The following EFHC2 variants were observed in gnomAD, a reference collection of about 807,000 sequenced individuals.
EFHC2 encodes the protein EF-hand domain-containing family member C2.
EFHC2 carries 18 observed loss-of-function variants against 52.7 expected under a neutral mutation model. The ratio of observed to expected loss-of-function variants is 0.34; its 90% CI spans 0.24 to 0.51. EFHC2 has a LOEUF of 0.51. EFHC2 is among the 20% of genes least tolerant of loss of function. The pLI, the probability that EFHC2 is intolerant of heterozygous loss-of-function variation, is 0.97. For synonymous variants in EFHC2, 203 were observed against 204.1 expected, an observed-to-expected ratio of 0.99 and a Z score of 0.04; for missense variants, 513 against 562.5, an observed-to-expected ratio of 0.91 and a Z score of 0.89.
chrX:44,251,735 A>G (rs767959889), intron 4 of EFHC2, among the ~76,000 whole-genome samples: 1 of 108,376 alleles, frequency 9.2e-6, no homozygotes, highest in Admixed American at 1.0e-4. Context: ...AGAACAGACA[A>G]AACTAATCTA....
intron 11 of EFHC2, among the ~76,000 whole-genome samples, chrX:44,208,328 TC>T (rs948261950): frequency 8.9e-6 from 1 of 112,122 alleles, no homozygotes; most frequent in Non-Finnish European, 1.9e-5. Flanking sequence ...TGAAATCATG[TC>T]CTATGCAGCA....
Position 44,175,178 on chromosome X carries a change from C to T in EFHC2, c.2042+1114G>A, listed in dbSNP as rs545641805. On this transcript the variant is annotated intron_variant, in intron 13 of 14. Transcript: ENST00000420999. Reference sequence around the variant, plus strand: ...TTCCTTAGAGAGCAAAGAGACACCACAGAAGGTTTGTGAGTAAAAGTGCAA... The same window carrying T: ...TTCCTTAGAGAGCAAAGAGACACCATAGAAGGTTTGTGAGTAAAAGTGCAA... Among the ~76,000 whole-genome samples, 71 of 112,098 alleles carry T rather than the reference C, an allele frequency of 6.3e-4. No individual in the cohort carries two copies. The South Asian group carries it at 0.025, about 39-fold the overall frequency.
chrX:44,251,907 A>G (rs972512811), intron 4 of EFHC2, among the ~76,000 whole-genome samples: 1 of 110,490 alleles, frequency 9.1e-6, no homozygotes, highest in Admixed American at 9.7e-5. Flanking sequence ...TATATACTTA[A>G]GATTTATATG....
intron 11 of EFHC2, among the ~76,000 whole-genome samples, chrX:44,185,015 G>T (rs1172048808): frequency 9.0e-6 from 1 of 111,594 alleles, no homozygotes; most frequent in Admixed American, 9.6e-5. Flanking sequence ...GAAAAATGAG[G>T]ATTAAGTTAG....
chrX:44,167,309 C>T (rs1228216250), intron 13 of EFHC2, among the ~76,000 whole-genome samples: 1 of 112,186 alleles, frequency 8.9e-6, no homozygotes, highest in African/African-American at 3.2e-5. Flanking sequence ...TGAAGTTCCT[C>T]TTATCTGAGT....
At chrX:44,314,377 T>C (rs1484445788) in intron 1 of EFHC2, among the ~76,000 whole-genome samples, 2 of 112,082 alleles carry the variant, frequency 1.8e-5, no homozygotes, top group East Asian at 2.8e-4. Context: ...AGGTCAAAAA[T>C]ACCTCATTTC....
chrX:44,309,282 A>AT, intron 2 of EFHC2: 1 of 612,507 alleles, frequency 1.6e-6, no homozygotes, highest in Non-Finnish European at 2.6e-6. Context: ...ATGGAAAAAA[A>AT]TCAGCAAAAT....
intron 11 of EFHC2, among the ~76,000 whole-genome samples, chrX:44,204,494 A>C (rs2037032314): frequency 9.0e-6 from 1 of 111,686 alleles, no homozygotes; most frequent in South Asian, 3.7e-4. Flanking sequence ...ATGATCCAGG[A>C]AATGACAGAT....
chrX:44,280,850 G>A (rs1165135800), intron 2 of EFHC2, among the ~76,000 whole-genome samples: 1 of 112,277 alleles, frequency 8.9e-6, no homozygotes. Context: ...GATAGGCGAA[G>A]TATATTCTGG....
At chrX:44,328,867 G>C (rs927214636) in intron 1 of EFHC2, among the ~76,000 whole-genome samples, 4 of 111,313 alleles carry the variant, frequency 3.6e-5, no homozygotes, top group Non-Finnish European at 7.5e-5. Flanking sequence ...GTAACCAATG[G>C]GAAGCCTCTA....
At chrX:44,225,901 T>A (rs936805728) in intron 11 of EFHC2, 2 of 111,804 alleles carry the variant, frequency 1.8e-5, no homozygotes, top group Admixed American at 9.5e-5. Flanking sequence ...AGCTTTAGAC[T>A]GAACGTTCCT....
intron 3 of EFHC2, among the ~76,000 whole-genome samples, chrX:44,265,717 A>G (rs1257996946): frequency 8.9e-6 from 1 of 112,036 alleles, no homozygotes; most frequent in East Asian, 2.8e-4. Context: ...TTTGTGCCCT[A>G]AAAATACTAA....
intron 14 of EFHC2, among the ~76,000 whole-genome samples, chrX:44,158,554 G>A (rs1362654071): frequency 9.0e-6 from 1 of 110,962 alleles, no homozygotes; most frequent in Non-Finnish European, 1.9e-5. Context: ...ACTCAGGGCT[G>A]GGGTGCCTTC....
intron 1 of EFHC2, among the ~76,000 whole-genome samples, chrX:44,333,736 C>T (rs763945876): frequency 1.8e-5 from 2 of 110,822 alleles, no homozygotes; most frequent in South Asian, 7.8e-4. Context: ...AGATAATTTC[C>T]CAGCATTCCT....
intron 13 of EFHC2, among the ~76,000 whole-genome samples, chrX:44,169,498 G>A (rs1280652109): frequency 9.0e-6 from 1 of 110,520 alleles, no homozygotes; most frequent in Non-Finnish European, 1.9e-5. Context: ...CAGGCTGGCC[G>A]AGAACTCCTG....
At chrX:44,321,473 G>A (rs2038020116) in intron 1 of EFHC2, among the ~76,000 whole-genome samples, 1 of 111,471 alleles carries the variant, frequency 9.0e-6, no homozygotes, top group Non-Finnish European at 1.9e-5. Context: ...CTACAGTGCT[G>A]GAATGAATGA....
At position 44,343,632 on chromosome X, in the gene EFHC2, C is replaced by G. The variant is rs1435619256; in HGVS notation, c.-44G>C. The G allele has an allele frequency of 6.1e-6, 6 of 987,547 alleles. No homozygotes were observed. The highest frequency in any genetic ancestry group is 7.8e-6 in the Non-Finnish European group (6 of 773,519). 81.4% of individuals were successfully genotyped at this position (987,547 alleles called of 1,213,427 possible). ...ATCCAGGGTCCCAGAAGAGAGGGCC[C>G]GGCAGGCAGCGGCGCCTCCCGGCCG... is the stretch of plus-strand genomic sequence containing the variant. On this transcript the variant is annotated 5_prime_UTR_variant, in exon 1 of 15. Transcript: ENST00000420999.
rs771293458 is a variant in EFHC2, at chrX:44,229,708, C to T, written c.1692G>A (p.Lys564=). The change falls in exon 11 of 15, where the codon AAG becomes AAA. Residue 564 remains lysine, a synonymous_variant. Transcript: ENST00000420999. ...KQEEGKSREL[K]QVFKAADSKH... ...TAGAGTCAGCAGCTTTAAATACCTGCTTGAGCTCTCTGGATTTTCCTTCTT... is the reference window on the plus strand; with the variant it reads ...TAGAGTCAGCAGCTTTAAATACCTGTTTGAGCTCTCTGGATTTTCCTTCTT... The T allele has an allele frequency of 1.7e-6, 2 of 1,210,485 alleles. No individual in the cohort carries two copies. The highest frequency in any genetic ancestry group is 2.2e-6 in the Non-Finnish European group (2 of 894,688).
chrX:44,337,785 T>C (rs1196413342), intron 1 of EFHC2, among the ~76,000 whole-genome samples: 1 of 112,164 alleles, frequency 8.9e-6, no homozygotes, highest in African/African-American at 3.2e-5. Context: ...CAGCAATGAG[T>C]GAGAATTCCT....
Sources: gnomAD v4.1 joint callset for allele counts (sites outside exome capture counted in the v4.1 genomes callset) on GRCh38, gnomAD v4.1.1 for gene constraint, MANE v1.5 for transcripts, NCBI Gene and HGNC (gene_info 2026-07-23, HGNC 2026-07-21) for gene names.